The following COL22A1 variants were observed in gnomAD, a reference collection of about 807,000 sequenced individuals.
COL22A1 encodes collagen type XXII alpha 1 chain.
COL22A1 carries 221 observed loss-of-function variants against 248.9 expected under a neutral mutation model. That is an observed-to-expected ratio of 0.89 (90% CI 0.80 to 0.99). The LOEUF (loss-of-function observed/expected upper bound fraction) is 0.99, where lower values mean the gene tolerates loss of function less well. Ranked by LOEUF, COL22A1 falls within the 50% of genes least tolerant of loss-of-function variation. COL22A1 has a pLI of 0.00. For missense variants in COL22A1, 2,240 were observed against 2,179.0 expected (o/e 1.03, Z -0.56); for synonymous variants, 891 against 793.4 (o/e 1.12, Z -2.07).
At chr8:138,756,156 C>T (rs1206996999) in intron 18 of COL22A1, among the ~76,000 whole-genome samples, 1 of 152,184 alleles carries the variant, frequency 6.6e-6, no homozygotes, top group African/African-American at 2.4e-5. Context: ...TGAGAGCAGC[C>T]TCATTGAGCC....
At chr8:138,764,254 C>A (rs938381168) in intron 16 of COL22A1, among the ~76,000 whole-genome samples, 1 of 152,186 alleles carries the variant, frequency 6.6e-6, no homozygotes, top group East Asian at 1.9e-4. Flanking sequence ...GGGAACCTCC[C>A]GTGGGTGGGA....
chr8:138,683,126 A>G (rs1826083348), intron 39 of COL22A1, among the ~76,000 whole-genome samples: 1 of 152,178 alleles, frequency 6.6e-6, no homozygotes, highest in Non-Finnish European at 1.5e-5. Context: ...CCTAGCACTC[A>G]TCTGCTTTTC....
intron 22 of COL22A1, among the ~76,000 whole-genome samples, chr8:138,749,443 A>T (rs1190955215): frequency 1.3e-5 from 2 of 152,224 alleles, no homozygotes; most frequent in African/African-American, 4.8e-5. Flanking sequence ...CCCAAGTTCA[A>T]TGCAAAATGA....
intron 1 of COL22A1, among the ~76,000 whole-genome samples, chr8:138,910,733 C>T (rs1439916784): frequency 6.6e-6 from 1 of 152,162 alleles, no homozygotes; most frequent in Non-Finnish European, 1.5e-5. Context: ...CCGCATCATT[C>T]CCAGCATGTG....
At chr8:138,909,510 C>T (rs911147678) in intron 1 of COL22A1, among the ~76,000 whole-genome samples, 7 of 152,044 alleles carry the variant, frequency 4.6e-5, no homozygotes, top group Admixed American at 4.6e-4. Flanking sequence ...AAAGCTTCTC[C>T]TTAGGATACA....
chr8:138,844,277 TGGA>T (rs1821080503), intron 3 of COL22A1, 119 bp from the exon 4 acceptor site: 7 of 861,852 alleles, frequency 8.1e-6, no homozygotes. Flanking sequence ...GTTCAATGCC[TGGA>T]GAAGATGCAG....
At chr8:138,656,714 C>CTT in intron 44 of COL22A1, among the ~76,000 whole-genome samples, 1 of 152,128 alleles carries the variant, frequency 6.6e-6, no homozygotes, top group Non-Finnish European at 1.5e-5. Flanking sequence ...TTAGGTAAGA[C>CTT]TTTGAGACTG....
chr8:138,616,931 C>T lies in COL22A1; in HGVS notation c.3853G>A (p.Gly1285Ser), dbSNP rs1819377986. The change falls in exon 54 of 65, where the codon GGT becomes AGT. Residue 1285 changes from glycine (G) to serine (S), a missense_variant. Coordinates refer to ENST00000303045, the MANE Select transcript of COL22A1 (RefSeq NM_152888.3). ...PGFKGHTGDS[G>S]APGPRGESGA... ...CCACTTACCCGGGGACCGGGTGCAC[C>T]AGAATCGCCTGTGTGTCCCTTGAAG... The T allele has an allele frequency of 6.2e-7, 1 of 1,614,186 alleles. No individual in the cohort carries two copies. Among genetic ancestry groups the T allele is most frequent in the Non-Finnish European group, 8.5e-7 (1 of 1,180,036 alleles).
intron 38 of COL22A1, 109 bp from the exon 39 acceptor site, chr8:138,684,578 G>T: frequency 1.2e-6 from 1 of 802,696 alleles, no homozygotes. Context: ...AGAGATGGGT[G>T]AGACTCACTA....
At chr8:138,792,603 T>G (rs1816163850) in intron 12 of COL22A1, among the ~76,000 whole-genome samples, 1 of 152,246 alleles carries the variant, frequency 6.6e-6, no homozygotes, top group South Asian at 2.1e-4. Context: ...ACCAGGAGAA[T>G]GTGCCTGAAC....
At chr8:138,699,794 T>G (rs1827804761) in intron 32 of COL22A1, among the ~76,000 whole-genome samples, 1 of 152,208 alleles carries the variant, frequency 6.6e-6, no homozygotes, top group Non-Finnish European at 1.5e-5. Context: ...CTCAAATAAT[T>G]CTGTTCTCCT....
intron 61 of COL22A1, among the ~76,000 whole-genome samples, chr8:138,597,686 T>C (rs1035257109): frequency 4.6e-5 from 7 of 152,248 alleles, no homozygotes; most frequent in African/African-American, 1.7e-4. Flanking sequence ...CTTACGGTGC[T>C]CATCTCTGTA....
At chr8:138,631,931 T>C (rs1215122975) in intron 49 of COL22A1, among the ~76,000 whole-genome samples, 1 of 152,160 alleles carries the variant, frequency 6.6e-6, no homozygotes, top group East Asian at 1.9e-4. Flanking sequence ...AGTTCCTCAT[T>C]GGAACTAAAA....
At chr8:138,664,577 G>C (rs1399029231) in intron 41 of COL22A1, among the ~76,000 whole-genome samples, 3 of 151,946 alleles carry the variant, frequency 2.0e-5, no homozygotes, top group Non-Finnish European at 4.4e-5. Context: ...GATAGTCCCC[G>C]CCCCTGTACA....
chr8:138,691,302 C>A (rs757998428), intron 35 of COL22A1, among the ~76,000 whole-genome samples: 1 of 152,036 alleles, frequency 6.6e-6, no homozygotes, highest in Non-Finnish European at 1.5e-5. Context: ...TGTGCACGTG[C>A]GTGTGTGCAG....
intron 6 of COL22A1, among the ~76,000 whole-genome samples, chr8:138,821,668 T>G (rs1204398147): frequency 6.6e-6 from 1 of 152,140 alleles, no homozygotes. Context: ...AAGGAATAAT[T>G]GCACTCATAC....
At chr8:138,832,542 G>A (rs541434617) in intron 5 of COL22A1, among the ~76,000 whole-genome samples, 9 of 152,214 alleles carry the variant, frequency 5.9e-5, no homozygotes, top group Admixed American at 2.6e-4. Flanking sequence ...AGGCAGGAAC[G>A]TTCACTTTGG....
At chr8:138,601,398 TA>T (rs1817996040) in intron 60 of COL22A1, among the ~76,000 whole-genome samples, 1 of 152,016 alleles carries the variant, frequency 6.6e-6, no homozygotes, top group Non-Finnish European at 1.5e-5. Context: ...AAAGCCGAGA[TA>T]AATTCTTTTC....
At chr8:138,773,909 G>A (rs191373690) in intron 16 of COL22A1, among the ~76,000 whole-genome samples, 111 of 152,278 alleles carry the variant, frequency 7.3e-4, no homozygotes, top group Admixed American at 3.5e-3. Flanking sequence ...GCCCTGCTGC[G>A]GGGCAGTTCC....
Sources: allele counts gnomAD v4.1 joint callset (sites outside exome capture counted in the v4.1 genomes callset), GRCh38; gene constraint gnomAD v4.1.1; transcripts MANE v1.5; gene names NCBI Gene and HGNC (gene_info 2026-07-23, HGNC 2026-07-21).